Variants in CFAP97 observed in about 807,000 individuals in gnomAD.
The protein encoded by CFAP97 is cilia and flagella associated protein 97.
In CFAP97, 36 loss-of-function variants were observed where a neutral mutation model predicts 43.1. The observed-to-expected ratio is 0.84, with a 90% confidence interval of 0.64 to 1.10. The LOEUF (loss-of-function observed/expected upper bound fraction) is 1.10. CFAP97 is among the 50% of genes least tolerant of loss of function. The pLI is 0.00. For missense variants in CFAP97, 657 were observed against 620.3 expected (o/e 1.06, Z -0.63); for synonymous variants, 228 against 225.7 (o/e 1.01, Z -0.09).
At chr4:185,197,929 C>T (rs981902660) in intron 1 of CFAP97, among the ~76,000 whole-genome samples, 1 of 152,166 alleles carries the variant, frequency 6.6e-6, no homozygotes, top group Admixed American at 6.6e-5. Flanking sequence ...AAGACTGCTA[C>T]TTCAGCGAAC....
At chr4:185,167,124 T>C (rs1308019057) in intron 3 of CFAP97, among the ~76,000 whole-genome samples, 3 of 152,106 alleles carry the variant, frequency 2.0e-5, no homozygotes, top group African/African-American at 7.2e-5. Context: ...CAAAAGTGTA[T>C]GCATTTTAAT....
rs1466206584 is a variant in CFAP97, at chr4:185,162,902, T to TAGC, written c.1492_1494dup (p.Ala498dup). ...TCACTCCTACAACTGAGACCACTCG[T>TAGC]AGCACTGGATGTCCTGGAAGCTCCT... is the stretch of plus-strand genomic sequence containing the variant. On this transcript the variant is annotated inframe_insertion, in exon 5 of 5. Coordinates refer to ENST00000458385, the MANE Select transcript of CFAP97 (RefSeq NM_020827.3). 6.3e-7 allele frequency: 1 copy of TAGC among 1,583,416 alleles called. No homozygotes were observed. The highest frequency in any genetic ancestry group is 1.9e-5 in the Admixed American group (1 of 51,648).
upstream of CFAP97, among the ~76,000 whole-genome samples, chr4:185,206,114 A>G (rs1737177334): frequency 1.3e-5 from 2 of 152,224 alleles, no homozygotes; most frequent in Non-Finnish European, 2.9e-5. Context: ...GTTCTGAAAA[A>G]CTTGAACATA....
Position 185,162,827 on chromosome 4 carries a change from G to A in CFAP97, c.1570C>T (p.Pro524Ser). The change falls in exon 5 of 5, where the codon CCC (proline) becomes TCC (serine). Residue 524 changes from proline (P) to serine (S), a missense_variant. Pro to Ser is a moderately conservative substitution (Grantham distance 74, BLOSUM62 -1). Transcript: ENST00000458385. ...AACCAAGCTGTACGGACATTAGGGG[G>A]TTTAGGTCTTCTTCGAGGGTGGCCA... ...SSGHPRRRPK[P>S]PNVRTAWL The A allele has an allele frequency of 6.2e-7, 1 of 1,613,036 alleles. No individual in the cohort carries two copies. The highest frequency in any genetic ancestry group is 8.5e-7 in the Non-Finnish European group (1 of 1,179,570).
At chr4:185,172,128 A>G (rs370601751) in intron 3 of CFAP97, among the ~76,000 whole-genome samples, 8 of 152,316 alleles carry the variant, frequency 5.3e-5, no homozygotes, top group African/African-American at 1.7e-4. Flanking sequence ...TTATAATGAT[A>G]ATTGAGGCTG....
chr4:185,179,832 C>T (rs28678706), intron 2 of CFAP97, among the ~76,000 whole-genome samples: 2,958 of 152,218 alleles, frequency 0.019, 104 homozygotes, highest in African/African-American at 0.067. Context: ...CAAGCAGATG[C>T]TAGTTTTTGT....
intron 2 of CFAP97, among the ~76,000 whole-genome samples, chr4:185,177,623 T>TC (rs1472239077): frequency 1.3e-5 from 2 of 152,066 alleles, no homozygotes; most frequent in East Asian, 3.9e-4. Flanking sequence ...TCACCTGAGG[T>TC]CAGGAGTTCA....
At chr4:185,209,850 T>C, upstream of CFAP97, 2 of 982,902 alleles carry the variant, frequency 2.0e-6, no homozygotes, top group Non-Finnish European at 2.4e-6. This position sits in a 1 kb window ranked among gnomAD's most constrained non-coding sequence, Gnocchi z 5.2. Flanking sequence ...CGACCGACAG[T>C]GGCGGCGCCG....
In CFAP97 at chr4:185,190,535, T is replaced by G. The variant is rs930614701; in HGVS notation, c.662A>C (p.His221Pro). The G allele has an allele frequency of 6.2e-7, 1 of 1,613,826 alleles. No homozygotes were observed. Among genetic ancestry groups the G allele is most frequent in the African/African-American group, 1.3e-5 (1 of 74,916 alleles). The part of the protein sequence containing the change: ...VSGITLLSPK[H>P]KYKSGIKSTE... ...CGATTTTATTCCTGATTTATACTTG[T>G]GTTTTGGTGACAGGAGGGTTATACC... Residue 221 changes from histidine to proline, a missense_variant, in exon 2 of 5, where the codon CAC (histidine) becomes CCC (proline). Physicochemically the swap from His to Pro is moderately conservative, Grantham distance 77. Transcript: ENST00000458385.
upstream of CFAP97, among the ~76,000 whole-genome samples, chr4:185,206,552 G>A (rs1031884110): frequency 6.6e-6 from 1 of 151,772 alleles, no homozygotes. Context: ...CCAGCTACTC[G>A]GGAGGCTGAG....
intron 3 of CFAP97, among the ~76,000 whole-genome samples, chr4:185,174,512 T>C (rs1735438170): frequency 6.6e-6 from 1 of 152,170 alleles, no homozygotes. Context: ...TGTTACAAGT[T>C]TAGGTAAGTA....
At chr4:185,186,938 G>T (rs1736027960) in intron 2 of CFAP97, among the ~76,000 whole-genome samples, 2 of 152,216 alleles carry the variant, frequency 1.3e-5, no homozygotes, top group Admixed American at 1.3e-4. Context: ...AAATCCAGAA[G>T]AGCAGGAGAG....
chr4:185,201,118 G>T lies in CFAP97; in HGVS notation c.-17+2780C>A, dbSNP rs74742348. Among the ~76,000 whole-genome samples, 1,083 of 152,158 alleles carry T rather than the reference G, an allele frequency of 7.1e-3. 28 individuals are homozygous for T. The East Asian group carries it at 0.1, about 15-fold the overall frequency. On this transcript the variant is annotated intron_variant, in intron 1 of 4. Coordinates refer to ENST00000458385, the MANE Select transcript of CFAP97 (RefSeq NM_020827.3). ...GTGGGTGGATCACTTCAGGTCAGAA[G>T]TTGAAGACCAGTCTGACCAACATGG...
intron 2 of CFAP97, among the ~76,000 whole-genome samples, chr4:185,179,190 C>A (rs1311523927): frequency 6.6e-6 from 1 of 152,130 alleles, no homozygotes; most frequent in Non-Finnish European, 1.5e-5. Flanking sequence ...CTGGACCCGA[C>A]TGACATCCTG....
chr4:185,178,322 A>T (rs1470284926), intron 2 of CFAP97, among the ~76,000 whole-genome samples: 2 of 128,996 alleles, frequency 1.6e-5, no homozygotes, highest in African/African-American at 6.1e-5. Flanking sequence ...ATCTTGGTTC[A>T]CTGCAACCTC....
chr4:185,179,568 G>A (rs1457384502), intron 2 of CFAP97, among the ~76,000 whole-genome samples: 1 of 152,128 alleles, frequency 6.6e-6, no homozygotes, highest in Non-Finnish European at 1.5e-5. Flanking sequence ...TGGCTGAGAC[G>A]TGAGGAAGCC....
At chr4:185,181,175 C>G (rs977896718) in intron 2 of CFAP97, among the ~76,000 whole-genome samples, 1 of 150,828 alleles carries the variant, frequency 6.6e-6, no homozygotes, top group Non-Finnish European at 1.5e-5. Flanking sequence ...ACTGGGGAGG[C>G]TGAGGCACGA....
intron 3 of CFAP97, among the ~76,000 whole-genome samples, chr4:185,173,260 G>A (rs1015450844): frequency 7.2e-5 from 11 of 151,738 alleles, no homozygotes; most frequent in African/African-American, 2.7e-4. Context: ...CTACTCAGGA[G>A]GCTGAGGCAG....
rs1215919167 is a variant in CFAP97, at chr4:185,209,212, C to A, written c.-74+113G>T. 6.6e-6 allele frequency: 1 copy of A among 152,190 alleles called. No individual in the cohort carries two copies. The highest frequency in any genetic ancestry group is 1.5e-5 in the Non-Finnish European group (1 of 68,050). 9.4% of individuals were successfully genotyped at this position (152,190 alleles called of 1,614,324 possible). On this transcript the variant is annotated intron_variant, in intron 1 of 2. Transcript: ENST00000503223. The surrounding 1 kb of genome is among the most constrained non-coding windows in gnomAD (Gnocchi z 5.2). ...AAACTGTGACAGGGAGTCTCGGGAA[C>A]GGTTGCCTATTTAAATAGCGAGTGA...
Sources: gnomAD v4.1 joint callset for allele counts (sites outside exome capture counted in the v4.1 genomes callset) on GRCh38, gnomAD v4.1.1 for gene constraint, Gnocchi (gnomAD v3.1) non-coding constraint, MANE v1.5 for transcripts, NCBI Gene and HGNC (gene_info 2026-07-23, HGNC 2026-07-21) for gene names.